The following KCNIP4 variants were observed in gnomAD, a reference collection of about 807,000 sequenced individuals.
KCNIP4 encodes the protein Kv channel-interacting protein 4.
Under a neutral mutation model 34.0 loss-of-function variants are expected in KCNIP4, and 12 were observed. The observed-to-expected ratio is 0.35, with a 90% CI of 0.23 to 0.57. The LOEUF (loss-of-function observed/expected upper bound fraction) is 0.57. Ranked by LOEUF, KCNIP4 falls within the 20% of genes least tolerant of loss-of-function variation. KCNIP4 has a pLI of 0.83. For missense variants in KCNIP4, 238 were observed against 311.7 expected (o/e 0.76, Z 1.78); for synonymous variants, 124 against 102.2 (o/e 1.21, Z -1.29).
intron 4 of KCNIP4, among the ~76,000 whole-genome samples, chr4:20,755,787 GA>G (rs1754365865): frequency 6.6e-6 from 1 of 152,112 alleles, no homozygotes; most frequent in Non-Finnish European, 1.5e-5. Flanking sequence ...TTTGGGAGAA[GA>G]TAATTTCAGG....
At chr4:21,393,935 C>T (rs1722761264) in intron 1 of KCNIP4, among the ~76,000 whole-genome samples, 1 of 152,102 alleles carries the variant, frequency 6.6e-6, no homozygotes, top group African/African-American at 2.4e-5. Flanking sequence ...AATTTATGGT[C>T]CAGATACCCT....
At chr4:21,941,804 T>G (rs1390676593) in intron 1 of KCNIP4, among the ~76,000 whole-genome samples, 1 of 152,188 alleles carries the variant, frequency 6.6e-6, no homozygotes, top group Non-Finnish European at 1.5e-5. Flanking sequence ...AAATCAGCCT[T>G]AACATGAGCA....
At chr4:21,540,353 C>A (rs1157053923) in intron 1 of KCNIP4, among the ~76,000 whole-genome samples, 1 of 152,068 alleles carries the variant, frequency 6.6e-6, no homozygotes, top group Non-Finnish European at 1.5e-5. Flanking sequence ...AAATAGACAA[C>A]CTTACATGTA....
At chr4:21,465,920 G>A (rs561762119) in intron 1 of KCNIP4, among the ~76,000 whole-genome samples, 2 of 152,266 alleles carry the variant, frequency 1.3e-5, no homozygotes, top group South Asian at 4.1e-4. Context: ...TGCAAACAAC[G>A]TGTATACTCT....
chr4:20,882,608 T>C lies in KCNIP4; in HGVS notation c.163A>G (p.Asn55Asp). 1 of 1,610,264 alleles carries C rather than the reference T, an allele frequency of 6.2e-7. No individual in the cohort carries two copies. Among genetic ancestry groups the C allele is most frequent in the Non-Finnish European group, 8.5e-7 (1 of 1,177,610 alleles). ...AAAAAAAACAAAAAAACAAACTTGC[T>C]TTGAATAGCAGGAGACGACGTTTTG... ...AAKTSSPAIQ[N>D]SVEDELEMAT... The change falls in exon 2 of 9, where the codon AAC becomes GAC. Residue 55 changes from asparagine (N) to aspartate (D), a missense_variant and splice_region_variant. By Grantham distance (23) the Asn-to-Asp change is conservative. Coordinates refer to ENST00000382152, the MANE Select transcript of KCNIP4 (RefSeq NM_025221.6).
At chr4:20,974,373 C>A (rs1315590909) in intron 1 of KCNIP4, among the ~76,000 whole-genome samples, 2 of 152,060 alleles carry the variant, frequency 1.3e-5, no homozygotes, top group African/African-American at 4.8e-5. Flanking sequence ...TCAGGAGTAA[C>A]TGAATTCAGA....
intron 3 of KCNIP4, among the ~76,000 whole-genome samples, chr4:20,798,956 C>T (rs565777442): frequency 6.6e-6 from 1 of 152,330 alleles, no homozygotes; most frequent in African/African-American, 2.4e-5. Context: ...ATCCTATTGC[C>T]TGTACTGCTA....
chr4:20,824,660 C>G (rs28642372), intron 3 of KCNIP4, among the ~76,000 whole-genome samples: 22,570 of 152,042 alleles, frequency 0.15, 2,092 homozygotes, highest in African/African-American at 0.26. Context: ...AGACTAGCAA[C>G]AGAGCGAGAC....
chr4:21,751,271 T>A (rs1560686422), intron 1 of KCNIP4, among the ~76,000 whole-genome samples: 1 of 152,150 alleles, frequency 6.6e-6, no homozygotes, highest in South Asian at 2.1e-4. Flanking sequence ...TTGGATTGTA[T>A]GCAAACAAAC....
chr4:21,026,053 C>T (rs868333337), intron 1 of KCNIP4, among the ~76,000 whole-genome samples: 1 of 152,074 alleles, frequency 6.6e-6, no homozygotes, highest in Non-Finnish European at 1.5e-5. Context: ...AAGTTACAAT[C>T]ATGAAGAGTG....
At chr4:21,641,686 A>C (rs1260626448) in intron 1 of KCNIP4, among the ~76,000 whole-genome samples, 1 of 152,186 alleles carries the variant, frequency 6.6e-6, no homozygotes, top group Non-Finnish European at 1.5e-5. Flanking sequence ...TTTAATAATC[A>C]CATAGATAGG....
At chr4:21,145,636 G>A (rs1008233602) in intron 1 of KCNIP4, among the ~76,000 whole-genome samples, 17 of 152,138 alleles carry the variant, frequency 1.1e-4, no homozygotes, top group African/African-American at 3.6e-4. Flanking sequence ...AAAAATGGAG[G>A]TGAAAAGGGC....
intron 1 of KCNIP4, among the ~76,000 whole-genome samples, chr4:21,127,015 C>G (rs1421716551): frequency 6.6e-6 from 1 of 152,188 alleles, no homozygotes; most frequent in Non-Finnish European, 1.5e-5. Context: ...AATGCTCTTT[C>G]TGTTCCTGCA....
At chr4:21,761,040 AT>A (rs1718015094) in intron 1 of KCNIP4, among the ~76,000 whole-genome samples, 2 of 152,118 alleles carry the variant, frequency 1.3e-5, no homozygotes, top group Non-Finnish European at 2.9e-5. Flanking sequence ...AAAACTGACT[AT>A]AAGAATAGGT....
chr4:21,852,526 T>G (rs1005964591), intron 1 of KCNIP4: 4 of 152,170 alleles, frequency 2.6e-5, no homozygotes, highest in Non-Finnish European at 2.9e-5. Flanking sequence ...AGAAACTCTA[T>G]TTGTTAATAG....
chr4:21,737,364 T>G (rs891475165), intron 1 of KCNIP4, among the ~76,000 whole-genome samples: 13 of 147,242 alleles, frequency 8.8e-5, no homozygotes, highest in Non-Finnish European at 1.5e-4. Context: ...TCTTTCTGGG[T>G]TTTTTTTTAA....
intron 1 of KCNIP4, among the ~76,000 whole-genome samples, chr4:21,657,058 G>T (rs1246401431): frequency 6.6e-6 from 1 of 152,086 alleles, no homozygotes; most frequent in African/African-American, 2.4e-5. Flanking sequence ...AGCCTTCCCT[G>T]ACCCAGGTCA....
chr4:21,152,197 G>A (rs778736067), intron 1 of KCNIP4, among the ~76,000 whole-genome samples: 12 of 152,144 alleles, frequency 7.9e-5, no homozygotes, highest in Non-Finnish European at 1.3e-4. Flanking sequence ...AGGTTGCAGT[G>A]AGCCCAGATA....
chr4:21,490,124 AT>A (rs1433640061), intron 1 of KCNIP4, among the ~76,000 whole-genome samples: 1 of 152,158 alleles, frequency 6.6e-6, no homozygotes, highest in Non-Finnish European at 1.5e-5. Flanking sequence ...GCATTTAATA[AT>A]TTTTATACAT....
Sources: allele counts gnomAD v4.1 joint callset (sites outside exome capture counted in the v4.1 genomes callset), GRCh38; gene constraint gnomAD v4.1.1; transcripts MANE v1.5; gene names NCBI Gene and HGNC (gene_info 2026-07-23, HGNC 2026-07-21).